The following EGFR variants were observed in gnomAD, a reference collection of about 807,000 sequenced individuals.
EGFR encodes epidermal growth factor receptor.
Under a neutral mutation model 143.0 loss-of-function variants are expected in EGFR, and 58 were observed. The ratio of observed to expected loss-of-function variants is 0.41; its 90% CI spans 0.33 to 0.50. The LOEUF is 0.50. EGFR is among the 20% of genes least tolerant of loss of function. EGFR has a pLI of 0.39. For synonymous variants in EGFR, 613 were observed against 594.4 expected (o/e 1.03, Z -0.45); for missense variants, 1,307 against 1,579.0 (o/e 0.83, Z 2.92).
At chr7:55,029,873 C>A (rs1199265726) in intron 1 of EGFR, among the ~76,000 whole-genome samples, 1 of 152,170 alleles carries the variant, frequency 6.6e-6, no homozygotes, top group Non-Finnish European at 1.5e-5. Flanking sequence ...TAAATGTATG[C>A]AAGATATGTA....
rs2128853227 is a variant in EGFR, at chr7:55,019,260, G to C, written c.-18G>C. The C allele has an allele frequency of 6.7e-7, 1 of 1,483,486 alleles. No individual in the cohort carries two copies. Among genetic ancestry groups the C allele is most frequent in the Non-Finnish European group, 9.0e-7 (1 of 1,110,310 alleles). The allele number at this position is 1,483,486 out of a possible 1,614,324, so 91.9% of individuals were successfully genotyped here. On this transcript the variant is annotated 5_prime_UTR_variant, in exon 1 of 28. Transcript: ENST00000275493. ...GTATTGATCGGGAGAGCCGGAGCGAGCTCTTCGGGGAGCAGCGATGCGACC... is the reference window on the plus strand; with the variant it reads ...GTATTGATCGGGAGAGCCGGAGCGACCTCTTCGGGGAGCAGCGATGCGACC...
At chr7:55,127,802 T>G (rs967903634) in intron 1 of EGFR, among the ~76,000 whole-genome samples, 7 of 151,972 alleles carry the variant, frequency 4.6e-5, no homozygotes, top group Admixed American at 4.6e-4. Flanking sequence ...GGCAGTCAAC[T>G]TAAAAAGAAA....
At position 55,208,001 on chromosome 7, in the gene EGFR, TGTAA is replaced by T. The variant is rs1392182683; in HGVS notation, c.*2387_*2390del. 3 of 152,198 alleles carry T rather than the reference TGTAA, an allele frequency of 2.0e-5. No homozygotes were observed. Among genetic ancestry groups the T allele is most frequent in the Non-Finnish European group, 4.4e-5 (3 of 68,034 alleles). The allele number at this position is 152,198 out of a possible 1,614,324, so 9.4% of individuals were successfully genotyped here. ...CAGATGATCGATGAGGCAGGTCAGT[TGTAA>T]GTGAGTCACATTGTAGCATTAAATT... On this transcript the variant is annotated 3_prime_UTR_variant, in exon 28 of 28. Coordinates refer to ENST00000275493, the MANE Select transcript of EGFR (RefSeq NM_005228.5).
intron 1 of EGFR, among the ~76,000 whole-genome samples, chr7:55,048,390 T>C (rs538585134): frequency 2.0e-5 from 3 of 152,316 alleles, no homozygotes; most frequent in Admixed American, 2.0e-4. Context: ...TAAACACAGC[T>C]GGGAATGCCC....
intron 1 of EGFR, among the ~76,000 whole-genome samples, chr7:55,063,707 G>A (rs1424392272): frequency 2.0e-5 from 3 of 152,306 alleles, no homozygotes; most frequent in South Asian, 4.2e-4. Context: ...TCAACACTAG[G>A]TCTGCACCTC....
intron 1 of EGFR, among the ~76,000 whole-genome samples, chr7:55,076,731 T>G (rs1790152127): frequency 6.6e-6 from 1 of 152,204 alleles, no homozygotes; most frequent in Non-Finnish European, 1.5e-5. Flanking sequence ...ACTTCATTAG[T>G]AGAGCACATG....
At position 55,187,304 on chromosome 7, in the gene EGFR, A is replaced by ATCTAAGTCAGTGCCG. The variant is rs71014683; in HGVS notation, c.2470-4412_2470-4411insAAGTCAGTGCCGTCT. On this transcript the variant is annotated intron_variant, in intron 20 of 27. Coordinates refer to ENST00000275493, the MANE Select transcript of EGFR (RefSeq NM_005228.5). ...CTACCCGGGACTCTCCATGGGTGCTATCTCTACATAAACTCATTCCACCCT... is the reference window on the plus strand; with the variant it reads ...CTACCCGGGACTCTCCATGGGTGCTATCTAAGTCAGTGCCGTCTCTACATAAACTCATTCCACCCT... 6.9e-3 allele frequency among the ~76,000 whole-genome samples: 1,044 copies of ATCTAAGTCAGTGCCG among 152,094 alleles called. 9 individuals are homozygous for ATCTAAGTCAGTGCCG. Among genetic ancestry groups the ATCTAAGTCAGTGCCG allele is most frequent in the African/African-American group, 0.023 (971 of 41,472 alleles).
At chr7:55,178,574 G>T (rs1010745276) in intron 19 of EGFR, among the ~76,000 whole-genome samples, 1 of 152,154 alleles carries the variant, frequency 6.6e-6, no homozygotes, top group African/African-American at 2.4e-5. Flanking sequence ...CAGGTGGGCC[G>T]TTCACCTCGT....
intron 1 of EGFR, among the ~76,000 whole-genome samples, chr7:55,071,329 A>G (rs1029245192): frequency 6.6e-6 from 1 of 152,266 alleles, no homozygotes; most frequent in African/African-American, 2.4e-5. Context: ...GGGGCAAAAG[A>G]AAAGAAGCAA....
At chr7:55,148,523 C>T (rs1430021725) in intron 4 of EGFR, among the ~76,000 whole-genome samples, 1 of 152,054 alleles carries the variant, frequency 6.6e-6, no homozygotes, top group Non-Finnish European at 1.5e-5. Flanking sequence ...TAAGAATAAG[C>T]CTAGCAAAAT....
At chr7:55,198,531 C>T (rs1205755833) in intron 22 of EGFR, among the ~76,000 whole-genome samples, 186 bp from the exon 23 acceptor site, 2 of 152,224 alleles carry the variant, frequency 1.3e-5, no homozygotes, top group Non-Finnish European at 2.9e-5. Context: ...GAAACAGATA[C>T]TGCTATTACC....
rs115351715 is a variant in EGFR at position 55,155,532 on chromosome 7, G to A, written c.890-298G>A. Among the ~76,000 whole-genome samples, 57 of 152,330 alleles carry A rather than the reference G, an allele frequency of 3.7e-4. 1 individual carries two copies. Among genetic ancestry groups the A allele is most frequent in the African/African-American group, 9.1e-4 (38 of 41,572 alleles). On this transcript the variant is annotated intron_variant, in intron 7 of 27. Transcript: ENST00000275493. ...TGAATTACTTTAAAGGTGAGAGCAG[G>A]TGGAGGAGAGGGCTGAGGTGCCTGC...
At chr7:55,157,271 A>G (rs531066728) in intron 10 of EGFR, among the ~76,000 whole-genome samples, 7 of 152,352 alleles carry the variant, frequency 4.6e-5, no homozygotes, top group Admixed American at 2.0e-4. Context: ...CCAAAATAAC[A>G]AGACTGTTTT....
At chr7:55,138,720 A>G (rs1329713442) in intron 1 of EGFR, among the ~76,000 whole-genome samples, 1 of 152,232 alleles carries the variant, frequency 6.6e-6, no homozygotes, top group Admixed American at 6.5e-5. Context: ...TCAATCTTCA[A>G]AACATTTCTG....
At chr7:55,201,865 A>T (rs1336234737) in intron 26 of EGFR, 83 bp downstream of exon 26, 7 of 1,502,110 alleles carry the variant, frequency 4.7e-6, no homozygotes, top group Non-Finnish European at 6.5e-6. Flanking sequence ...TAACCTAAAT[A>T]ATTTTAACCC....
chr7:55,163,448 C>G (rs773475162), intron 13 of EGFR, among the ~76,000 whole-genome samples: 6 of 152,180 alleles, frequency 3.9e-5, no homozygotes, highest in Non-Finnish European at 5.9e-5. Context: ...CTCCTCAGGA[C>G]TATCTTTTCT....
intron 1 of EGFR, among the ~76,000 whole-genome samples, chr7:55,133,987 C>T (rs1793996469): frequency 6.6e-6 from 1 of 152,192 alleles, no homozygotes; most frequent in South Asian, 2.1e-4. Context: ...AATGCTGGCC[C>T]GAGAGGAGGC....
chr7:55,173,225 A>G (rs2128952940), intron 17 of EGFR, 101 bp downstream of exon 17: 2 of 1,504,060 alleles, frequency 1.3e-6, no homozygotes, highest in Non-Finnish European at 1.8e-6. Flanking sequence ...TGTTAGATAC[A>G]TAATTGTATT....
At chr7:55,138,704 A>T (rs1220411234) in intron 1 of EGFR, among the ~76,000 whole-genome samples, 1 of 152,120 alleles carries the variant, frequency 6.6e-6, no homozygotes, top group Non-Finnish European at 1.5e-5. Context: ...AAGCTTATAT[A>T]TTTTTTCAAT....
Sources: allele counts gnomAD v4.1 joint callset (sites outside exome capture counted in the v4.1 genomes callset), GRCh38; gene constraint gnomAD v4.1.1; transcripts MANE v1.5; gene names NCBI Gene and HGNC (gene_info 2026-07-23, HGNC 2026-07-21).